Variants in FCHO2 observed in about 807,000 individuals in gnomAD.
FCHO2 encodes the protein FCH and mu domain containing endocytic adaptor 2, also known as F-BAR domain only protein 2.
A neutral mutation model predicts 114.1 loss-of-function variants in FCHO2; 43 were observed. The observed-to-expected ratio is 0.38, with a 90% CI of 0.30 to 0.49. The LOEUF (loss-of-function observed/expected upper bound fraction) is 0.49. FCHO2 is among the 20% of genes least tolerant of loss of function. The pLI, the probability that FCHO2 is intolerant of heterozygous loss-of-function variation, is 0.97. For missense variants in FCHO2, 807 were observed against 950.4 expected (o/e 0.85, Z 1.98); for synonymous variants, 293 against 315.2 (o/e 0.93, Z 0.75).
chr5:72,978,925 A>G (rs554945128), intron 2 of FCHO2, among the ~76,000 whole-genome samples: 86 of 152,258 alleles, frequency 5.6e-4, no homozygotes, highest in Non-Finnish European at 1.1e-3. Context: ...TGATTTGCGT[A>G]TGTTGAACCA....
intron 2 of FCHO2, among the ~76,000 whole-genome samples, chr5:72,987,120 C>T (rs956565898): frequency 6.6e-6 from 1 of 151,784 alleles, no homozygotes; most frequent in Non-Finnish European, 1.5e-5. Flanking sequence ...TCGTGATCCA[C>T]CTGCCTCAGC....
At chr5:73,036,452 C>A (rs1756514481) in intron 9 of FCHO2, among the ~76,000 whole-genome samples, 2 of 152,022 alleles carry the variant, frequency 1.3e-5, no homozygotes, top group African/African-American at 2.4e-5. Context: ...CAGCTCACTG[C>A]AGCCTCCATC....
chr5:73,044,152 AGGCCTC>A (rs1211726205), intron 11 of FCHO2, among the ~76,000 whole-genome samples: 4 of 152,152 alleles, frequency 2.6e-5, no homozygotes, highest in African/African-American at 4.8e-5. Flanking sequence ...AAGTTTCCTG[AGGCCTC>A]CCTAGCCATG....
intron 13 of FCHO2, 50 bp from the exon 14 acceptor site, chr5:73,054,110 C>T: frequency 1.5e-6 from 2 of 1,330,642 alleles, no homozygotes; most frequent in Non-Finnish European, 2.0e-6. Flanking sequence ...CACAAAAATA[C>T]AGTATTCAGA....
At chr5:73,043,275 T>C (rs891954354) in intron 11 of FCHO2, among the ~76,000 whole-genome samples, 8 of 152,028 alleles carry the variant, frequency 5.3e-5, no homozygotes, top group African/African-American at 1.9e-4. Flanking sequence ...GGAATGTAAA[T>C]TGATACTGTC....
At chr5:73,034,633 G>A in intron 8 of FCHO2, 24 bp from the exon 9 acceptor site, 2 of 1,570,198 alleles carry the variant, frequency 1.3e-6, no homozygotes, top group South Asian at 2.4e-5. Flanking sequence ...TCTACTAGAA[G>A]TTTTTCAATT....
At chr5:72,999,436 G>A (rs1414070145) in intron 5 of FCHO2, among the ~76,000 whole-genome samples, 3 of 140,680 alleles carry the variant, frequency 2.1e-5, no homozygotes, top group Non-Finnish European at 4.5e-5. Flanking sequence ...AGGCTGGAGT[G>A]CAGTGGCACG....
At chr5:72,963,114 TGAG>T (rs1255731251) in intron 1 of FCHO2, among the ~76,000 whole-genome samples, 1 of 152,128 alleles carries the variant, frequency 6.6e-6, no homozygotes, top group Non-Finnish European at 1.5e-5. Flanking sequence ...GTGATAAAGT[TGAG>T]GAGATAGTCA....
chr5:73,051,278 C>G (rs1370664922), intron 11 of FCHO2, 71 bp from the exon 12 acceptor site: 24 of 1,045,530 alleles, frequency 2.3e-5, no homozygotes, highest in Non-Finnish European at 3.1e-5. Flanking sequence ...ATACCTGAGG[C>G]TACTTTGATA....
At chr5:73,058,318 T>C in intron 16 of FCHO2, 115 bp from the exon 17 acceptor site, 1 of 669,156 alleles carries the variant, frequency 1.5e-6, no homozygotes, top group Non-Finnish European at 2.3e-6. Flanking sequence ...GCCCTAACTT[T>C]TTAATTATGT....
chr5:73,074,616 T>A (rs1742823619), intron 19 of FCHO2, 126 bp from the exon 20 acceptor site: 3 of 772,706 alleles, frequency 3.9e-6, no homozygotes, highest in Non-Finnish European at 6.4e-6. Flanking sequence ...CCCAGATTTA[T>A]CATGGGACAT....
chr5:72,964,656 GGGA>G (rs1294238195), intron 1 of FCHO2, among the ~76,000 whole-genome samples: 4 of 152,144 alleles, frequency 2.6e-5, no homozygotes, highest in South Asian at 4.1e-4. Context: ...CCAAAGTGCT[GGGA>G]TTACAGGTGT....
chr5:73,086,635 A>T lies in FCHO2; in HGVS notation c.2246-954A>T, dbSNP rs1333468391. Among the ~76,000 whole-genome samples, 6 of 152,178 alleles carry T rather than the reference A, an allele frequency of 3.9e-5. No homozygotes were observed. In the East Asian group the frequency reaches 1.2e-3, roughly 29 times the overall value. On this transcript the variant is annotated intron_variant, in intron 24 of 25. Transcript: ENST00000430046. ...CCTTTCCTATCATCTAGAGTCCTAA[A>T]CTGTTTTGACTTGCAGTTGGTCTCC...
intron 20 of FCHO2, among the ~76,000 whole-genome samples, chr5:73,075,279 G>A (rs1742859639): frequency 6.6e-6 from 1 of 152,176 alleles, no homozygotes; most frequent in African/African-American, 2.4e-5. Flanking sequence ...AATGATCAGG[G>A]TAAACTTTTT....
chr5:72,969,001 A>G lies in FCHO2; in HGVS notation c.125+412A>G, dbSNP rs563273912. Among the ~76,000 whole-genome samples, 203 of 152,322 alleles carry G rather than the reference A, an allele frequency of 1.3e-3. 1 individual carries two copies. The highest frequency in any genetic ancestry group is 4.7e-3 in the African/African-American group (196 of 41,566). On this transcript the variant is annotated intron_variant, in intron 2 of 25. Transcript: ENST00000430046. ...ACTTTTATTTTTAAAAGTCCTAAGTATATATTTTAAAATCTTGCAAATTTA... is the reference window on the plus strand; with the variant it reads ...ACTTTTATTTTTAAAAGTCCTAAGTGTATATTTTAAAATCTTGCAAATTTA...
intron 5 of FCHO2, among the ~76,000 whole-genome samples, chr5:73,001,340 G>A (rs2112700363): frequency 6.6e-6 from 1 of 151,836 alleles, no homozygotes. Context: ...TAACTACTCA[G>A]GAGGCTGAGG....
At chr5:73,042,402 G>GTAGC (rs1756846154) in intron 11 of FCHO2, among the ~76,000 whole-genome samples, 1 of 152,114 alleles carries the variant, frequency 6.6e-6, no homozygotes, top group African/African-American at 2.4e-5. Flanking sequence ...GCATTAAATT[G>GTAGC]ATGATGTAAA....
intron 20 of FCHO2, among the ~76,000 whole-genome samples, 186 bp downstream of exon 20, chr5:73,075,039 C>G (rs144149792): frequency 6.6e-6 from 1 of 152,230 alleles, no homozygotes; most frequent in Non-Finnish European, 1.5e-5. Context: ...AATGTACATT[C>G]ATTCATCAAA....
chr5:73,051,518 G>A, intron 12 of FCHO2, 112 bp downstream of exon 12: 2 of 655,724 alleles, frequency 3.1e-6, no homozygotes, highest in Non-Finnish European at 4.9e-6. Context: ...TATAAAATAT[G>A]GTTCCTTGTT....
Sources: allele counts gnomAD v4.1 joint callset (sites outside exome capture counted in the v4.1 genomes callset), GRCh38; gene constraint gnomAD v4.1.1; transcripts MANE v1.5; gene names NCBI Gene and HGNC (gene_info 2026-07-23, HGNC 2026-07-21).